The following SCOC variants were observed in gnomAD, a reference collection of about 807,000 sequenced individuals.
The protein encoded by SCOC is short coiled-coil protein, also known as short coiled coil protein.
A neutral mutation model predicts 9.9 loss-of-function variants in SCOC; 7 were observed. The observed-to-expected ratio is 0.71, with a 90% CI of 0.40 to 1.33. The LOEUF (loss-of-function observed/expected upper bound fraction) is 1.33, where lower values mean the gene tolerates loss of function less well. Ranked by LOEUF, SCOC falls within the 40% of genes most tolerant of loss-of-function variation. The pLI is 0.01. For missense variants in SCOC, 66 were observed against 89.7 expected (o/e 0.74, Z 1.07); for synonymous variants, 19 against 28.2 (o/e 0.67, Z 1.03).
intron 1 of SCOC, among the ~76,000 whole-genome samples, chr4:140,269,182 T>TG (rs1427999380): frequency 6.6e-6 from 1 of 152,308 alleles, no homozygotes; most frequent in African/African-American, 2.4e-5. Flanking sequence ...TTTAGAAATG[T>TG]GGCCCACAAA....
intron 1 of SCOC, 195 bp downstream of exon 1, chr4:140,373,912 C>T (rs1419436787): frequency 4.2e-6 from 3 of 715,032 alleles, no homozygotes; most frequent in South Asian, 3.0e-5. Flanking sequence ...TGCGCGACCT[C>T]TTTTTCTCCT....
At chr4:140,371,539 T>C (rs1728055842), upstream of SCOC, among the ~76,000 whole-genome samples, 1 of 152,260 alleles carries the variant, frequency 6.6e-6, no homozygotes, top group African/African-American at 2.4e-5. Flanking sequence ...GAACAGTTAC[T>C]ATACTAATTT....
rs977705448 is a variant in SCOC at position 140,298,832 on chromosome 4, C to T, written c.-19+41422C>T. 3.3e-5 allele frequency among the ~76,000 whole-genome samples: 5 copies of T among 152,220 alleles called. No homozygotes were observed. In the South Asian group the frequency reaches 1.0e-3, roughly 32 times the overall value. ...TAAATTAATTCATTATTATTATTTT[C>T]TGAGACAGGGCTTTACTCTGTCACC... is the stretch of plus-strand genomic sequence containing the variant. On this transcript the variant is annotated intron_variant, in intron 1 of 4. Coordinates refer to the SCOC transcript ENST00000394205.
At chr4:140,281,273 G>A (rs897146657) in intron 1 of SCOC, among the ~76,000 whole-genome samples, 5 of 147,566 alleles carry the variant, frequency 3.4e-5, no homozygotes, top group African/African-American at 1.3e-4. Context: ...AGGAACAGGT[G>A]TGGGGAGAGA....
In SCOC at chr4:140,362,277, A is replaced by ACTTCTTCTT. The variant is rs1305620519; in HGVS notation, c.71-16828_71-16820dup. Among the ~76,000 whole-genome samples, 18 of 11,678 alleles carry ACTTCTTCTT rather than the reference A, an allele frequency of 1.5e-3. 1 individual carries two copies. Among genetic ancestry groups the ACTTCTTCTT allele is most frequent in the African/African-American group, 3.8e-3 (17 of 4,482 alleles). 7.7% of individuals were successfully genotyped at this position (11,678 alleles called of 152,430 possible). ...ACCGGCTAAAGACAGGTGTGTCCTT[A>ACTTCTTCTT]CTTCTTCTTCTTCTTCTTCTTCTTT... On this transcript the variant is annotated intron_variant, in intron 2 of 4. Coordinates refer to the SCOC transcript ENST00000338517.
chr4:140,305,746 C>T (rs577293710), intron 1 of SCOC, among the ~76,000 whole-genome samples: 6 of 152,114 alleles, frequency 3.9e-5, no homozygotes, highest in Admixed American at 6.6e-5. Flanking sequence ...TGGGAGCTCA[C>T]GAATCACGGA....
intron 2 of SCOC, chr4:140,366,385 T>G (rs1727797709): frequency 1.5e-6 from 2 of 1,298,938 alleles, no homozygotes; most frequent in Non-Finnish European, 2.1e-6. Context: ...GCGGTCATCT[T>G]TTTGCTAGAA....
intron 1 of SCOC, among the ~76,000 whole-genome samples, chr4:140,304,769 A>G (rs1731916348): frequency 6.6e-6 from 1 of 152,234 alleles, no homozygotes; most frequent in African/African-American, 2.4e-5. Flanking sequence ...CCCCATGACT[A>G]GAAACTGATT....
chr4:140,296,615 G>C (rs536095903), intron 1 of SCOC, among the ~76,000 whole-genome samples: 1 of 152,208 alleles, frequency 6.6e-6, no homozygotes, highest in Non-Finnish European at 1.5e-5. Flanking sequence ...CTGGTAAACC[G>C]GGTGACATGG....
chr4:140,280,804 C>T (rs751269037), intron 1 of SCOC, among the ~76,000 whole-genome samples: 7 of 152,028 alleles, frequency 4.6e-5, no homozygotes, highest in Non-Finnish European at 7.4e-5. Flanking sequence ...TCTGAGGAGA[C>T]GCTTCATGAG....
At position 140,373,657 on chromosome 4, in the gene SCOC, C is replaced by T. The variant is rs1456114645; in HGVS notation, c.-111C>T. 4.5e-6 allele frequency: 7 copies of T among 1,551,364 alleles called. No homozygotes were observed. The highest frequency in any genetic ancestry group is 2.7e-5 in the African/African-American group (2 of 73,030). On this transcript the variant is annotated 5_prime_UTR_variant, in exon 1 of 4. Transcript: ENST00000608372. ...GCGGAGCTGCCGGGGTCAGTTGGTC[C>T]AAGTGTCCCGGCCTGAGGTGTCGGC...
At chr4:140,332,148 G>T (rs968344492) in intron 1 of SCOC, among the ~76,000 whole-genome samples, 13 of 152,054 alleles carry the variant, frequency 8.5e-5, no homozygotes, top group African/African-American at 2.9e-4. Context: ...CTGCTACCAG[G>T]CCCCACCTCC....
intron 2 of SCOC, among the ~76,000 whole-genome samples, chr4:140,350,634 G>A (rs1001707157): frequency 2.0e-5 from 3 of 152,196 alleles, no homozygotes; most frequent in Non-Finnish European, 2.9e-5. Flanking sequence ...ACAGGGGAGT[G>A]TGGCAGGAAG....
At chr4:140,317,530 T>C (rs1036499001) in intron 1 of SCOC, among the ~76,000 whole-genome samples, 64 of 151,750 alleles carry the variant, frequency 4.2e-4, no homozygotes, top group African/African-American at 1.5e-3. Flanking sequence ...CCCCTTAGAG[T>C]TGTAAGCCCT....
In SCOC at chr4:140,380,990, G is replaced by A. The variant is rs1187147786; in HGVS notation, c.135G>A (p.Lys45=). 3.1e-6 allele frequency: 5 copies of A among 1,601,552 alleles called. No homozygotes were observed. Among genetic ancestry groups the A allele is most frequent in the Non-Finnish European group, 8.5e-7 (1 of 1,176,552 alleles). The change falls in exon 4 of 4, where the codon AAG becomes AAA. Residue 45 remains lysine, a synonymous_variant. Coordinates refer to ENST00000608372, the MANE Select transcript of SCOC (RefSeq NM_001153484.2). ...EDLSARVDAV[K]EENLKLKSEN... ...TCTCTGCAAGAGTAGATGCAGTTAA[G>A]GAAGAAAATCTGAAGCTAAAATCAG... is the stretch of plus-strand genomic sequence containing the variant.
intron 1 of SCOC, among the ~76,000 whole-genome samples, chr4:140,322,882 C>T (rs549468991): frequency 7.8e-4 from 118 of 152,180 alleles, no homozygotes; most frequent in African/African-American, 2.8e-3. Context: ...AAGAGAATGG[C>T]CCCGAAGGCA....
chr4:140,285,371 T>C (rs1310524027), intron 1 of SCOC: 3 of 439,766 alleles, frequency 6.8e-6, no homozygotes, highest in Non-Finnish European at 1.4e-5. Context: ...ACCAGATGAC[T>C]GAACTAAAAT....
At chr4:140,260,266 A>G (rs1178355253) in intron 1 of SCOC, among the ~76,000 whole-genome samples, 3 of 152,212 alleles carry the variant, frequency 2.0e-5, no homozygotes, top group East Asian at 1.9e-4. Context: ...AAGGTATTCA[A>G]TAATATTGGA....
chr4:140,379,517 C>A, intron 2 of SCOC, 52 bp from the exon 3 acceptor site: 2 of 1,324,868 alleles, frequency 1.5e-6, no homozygotes, highest in Non-Finnish European at 2.2e-6. Flanking sequence ...TGCTACCCTA[C>A]ACAAATGTAC....
Sources: gnomAD v4.1 joint callset for allele counts (sites outside exome capture counted in the v4.1 genomes callset) on GRCh38, gnomAD v4.1.1 for gene constraint, MANE v1.5 for transcripts, NCBI Gene and HGNC (gene_info 2026-07-23, HGNC 2026-07-21) for gene names.